CSMD1: variants seen among roughly 807,000 people sequenced by gnomAD.
The protein encoded by CSMD1 is CUB and Sushi multiple domains 1.
CSMD1 carries 213 observed loss-of-function variants against 417.5 expected under a neutral mutation model. That is an observed-to-expected ratio of 0.51 (90% CI 0.46 to 0.57). CSMD1 has a LOEUF of 0.57. Ranked by LOEUF, CSMD1 falls within the 20% of genes least tolerant of loss-of-function variation. CSMD1 has a pLI of 0.00. For synonymous variants in CSMD1, 2,862 were observed against 1,736.8 expected (o/e 1.65, Z -16.11); for missense variants, 6,923 against 4,529.7 (o/e 1.53, Z -15.17).
intron 1 of CSMD1, among the ~76,000 whole-genome samples, chr8:4,776,709 C>G (rs1796872631): frequency 6.6e-6 from 1 of 152,086 alleles, no homozygotes; most frequent in South Asian, 2.1e-4. Flanking sequence ...TGGCTTGATT[C>G]CAATTTTAAT....
intron 5 of CSMD1, among the ~76,000 whole-genome samples, chr8:3,844,506 C>T (rs911032149): frequency 3.3e-5 from 5 of 152,068 alleles, no homozygotes; most frequent in African/African-American, 4.8e-5. Context: ...TGTGACTAAC[C>T]GTAACTTCAT....
chr8:4,597,110 A>AT (rs11136756), intron 2 of CSMD1, among the ~76,000 whole-genome samples: 29,996 of 150,714 alleles, frequency 0.2, 3,023 homozygotes, highest in South Asian at 0.29. Context: ...ACAACACACA[A>AT]TTTTTTTTTT....
At position 4,310,206 on chromosome 8, in the gene CSMD1, C is replaced by G. The variant is rs898684077; in HGVS notation, c.415+109747G>C. On this transcript the variant is annotated intron_variant, in intron 3 of 69. Transcript: ENST00000635120. ...GAAACAATGGTAATCTCCTTTCCAT[C>G]TAGTGGAGGATTCAGGAATTAGCAA... is the stretch of plus-strand genomic sequence containing the variant. Among the ~76,000 whole-genome samples the G allele has an allele frequency of 4.6e-5, 7 of 152,238 alleles. 1 individual carries two copies. The highest frequency in any genetic ancestry group is 3.4e-3 in the Middle Eastern group (1 of 294).
At chr8:3,996,970 A>T (rs1053658608) in intron 5 of CSMD1, among the ~76,000 whole-genome samples, 1 of 152,206 alleles carries the variant, frequency 6.6e-6, no homozygotes, top group African/African-American at 2.4e-5. Flanking sequence ...GCAAACTGCA[A>T]CCTGCCGACA....
chr8:3,279,868 A>C, intron 26 of CSMD1, among the ~76,000 whole-genome samples: 1 of 152,174 alleles, frequency 6.6e-6, no homozygotes, highest in Non-Finnish European at 1.5e-5. Context: ...AACTGCCCTC[A>C]TGATCCAACC....
intron 10 of CSMD1, among the ~76,000 whole-genome samples, chr8:3,495,044 G>C (rs1016883127): frequency 3.9e-5 from 6 of 152,074 alleles, no homozygotes; most frequent in East Asian, 1.9e-4. Flanking sequence ...TATTAATATA[G>C]CCATTATAAT....
At chr8:3,271,540 C>T (rs1289114887) in intron 26 of CSMD1, among the ~76,000 whole-genome samples, 2 of 148,342 alleles carry the variant, frequency 1.3e-5, no homozygotes, top group African/African-American at 2.5e-5. Flanking sequence ...TTTATAGTCC[C>T]AGCAACAGTG....
intron 10 of CSMD1, among the ~76,000 whole-genome samples, chr8:3,564,972 G>C (rs192068842): frequency 3.1e-4 from 46 of 148,356 alleles, no homozygotes; most frequent in Non-Finnish European, 6.4e-4. Flanking sequence ...ATGATGAATA[G>C]CTAAGGAATG....
At chr8:4,420,449 G>A (rs1446856746) in intron 2 of CSMD1, among the ~76,000 whole-genome samples, 1 of 151,996 alleles carries the variant, frequency 6.6e-6, no homozygotes, top group Non-Finnish European at 1.5e-5. Context: ...GGTGCGTCAT[G>A]GTGGTTTGCT....
chr8:4,742,442 A>G (rs932343764), intron 1 of CSMD1, among the ~76,000 whole-genome samples: 1 of 152,156 alleles, frequency 6.6e-6, no homozygotes, highest in South Asian at 2.1e-4. Flanking sequence ...TATGACTAAG[A>G]TTAGAGGTAT....
At position 2,998,110 on chromosome 8, in the gene CSMD1, C is replaced by T. The variant is rs753927140; in HGVS notation, c.8278G>A (p.Val2760Met). ...TAGCCCGTGTTGCAGGTGAAATTCACGACATCATTCAGGTTGAACTCACTG... is the reference window on the plus strand; with the variant it reads ...TAGCCCGTGTTGCAGGTGAAATTCATGACATCATTCAGGTTGAACTCACTG... ...NGSEFNLNDV[V>M]NFTCNTGYLL... The change falls in exon 54 of 70, where the codon GTG becomes ATG. Residue 2760 changes from valine (V) to methionine (M), a missense_variant. Transcript: ENST00000635120. 1.3e-4 allele frequency: 203 copies of T among 1,613,874 alleles called. No homozygotes were observed. Among genetic ancestry groups the T allele is most frequent in the Admixed American group, 2.8e-4 (17 of 60,004 alleles).
chr8:4,525,016 T>C (rs1796443237), intron 2 of CSMD1, among the ~76,000 whole-genome samples: 1 of 152,194 alleles, frequency 6.6e-6, no homozygotes, highest in African/African-American at 2.4e-5. Flanking sequence ...AATTGCAGTT[T>C]ATATTTTGAA....
chr8:4,926,464 G>C (rs1178013773), intron 1 of CSMD1, among the ~76,000 whole-genome samples: 2 of 152,044 alleles, frequency 1.3e-5, no homozygotes, highest in Non-Finnish European at 2.9e-5. Context: ...TAGAAGCTTT[G>C]GAATTTCAAA....
At chr8:3,208,829 C>T (rs533285161) in intron 30 of CSMD1, among the ~76,000 whole-genome samples, 1 of 152,296 alleles carries the variant, frequency 6.6e-6, no homozygotes, top group African/African-American at 2.4e-5. Flanking sequence ...CTGGATGCTT[C>T]TTGCCCCTGA....
chr8:3,306,658 T>G (rs1009492251), intron 25 of CSMD1, among the ~76,000 whole-genome samples: 1 of 144,440 alleles, frequency 6.9e-6, no homozygotes, highest in African/African-American at 2.8e-5. Context: ...ATAACAACAA[T>G]GAAACAGAAA....
intron 1 of CSMD1, among the ~76,000 whole-genome samples, chr8:4,755,367 A>G (rs1406355906): frequency 6.6e-6 from 1 of 152,158 alleles, no homozygotes; most frequent in African/African-American, 2.4e-5. Context: ...GCAATTAGCT[A>G]TAACCTTCAA....
intron 49 of CSMD1, among the ~76,000 whole-genome samples, chr8:3,067,782 GTT>G (rs1371110201): frequency 6.6e-6 from 1 of 151,500 alleles, no homozygotes; most frequent in Non-Finnish European, 1.5e-5. Flanking sequence ...CAACTTTATG[GTT>G]TCTATCCTTG....
intron 22 of CSMD1, among the ~76,000 whole-genome samples, chr8:3,345,237 C>G (rs140425265): frequency 6.6e-6 from 1 of 152,262 alleles, no homozygotes; most frequent in East Asian, 1.9e-4. Flanking sequence ...CCAAGCGCAC[C>G]GTGGATCCCT....
At chr8:3,952,961 C>G (rs750796203) in intron 5 of CSMD1, among the ~76,000 whole-genome samples, 1 of 151,732 alleles carries the variant, frequency 6.6e-6, no homozygotes, top group African/African-American at 2.4e-5. Flanking sequence ...TACAAAACAA[C>G]CTTCCAGAAT....
Sources: gnomAD v4.1 joint callset for allele counts (sites outside exome capture counted in the v4.1 genomes callset) on GRCh38, gnomAD v4.1.1 for gene constraint, MANE v1.5 for transcripts, NCBI Gene and HGNC (gene_info 2026-07-23, HGNC 2026-07-21) for gene names.